The following SVEP1 variants were observed in gnomAD, a reference collection of about 807,000 sequenced individuals.
The protein encoded by SVEP1 is sushi, von Willebrand factor type A, EGF and pentraxin domain-containing protein 1.
Under a neutral mutation model 367.3 loss-of-function variants are expected in SVEP1, and 164 were observed. The observed-to-expected ratio is 0.45, with a 90% CI of 0.39 to 0.51. SVEP1 has a LOEUF of 0.51. Ranked by LOEUF, SVEP1 falls within the 20% of genes least tolerant of loss-of-function variation. The pLI is 0.00. For missense variants in SVEP1, 4,117 were observed against 4,425.3 expected, an observed-to-expected ratio of 0.93 and a Z score of 1.98; for synonymous variants, 1,666 against 1,611.6, an observed-to-expected ratio of 1.03 and a Z score of -0.81.
chr9:110,532,282 G>A (rs1931314), intron 3 of SVEP1, among the ~76,000 whole-genome samples: 103,201 of 151,988 alleles, frequency 0.68, 35,991 homozygotes, highest in Admixed American at 0.77. Flanking sequence ...ATACCATATG[G>A]TAAGTGTGAA....
In SVEP1 at chr9:110,554,453, A is replaced by G. The variant is rs532668690; in HGVS notation, c.532-4349T>C. Among the ~76,000 whole-genome samples the G allele has an allele frequency of 3.3e-5, 5 of 152,228 alleles. No individual in the cohort carries two copies. In the South Asian group the frequency reaches 1.0e-3, roughly 32 times the overall value. ...CCCCCTACTGTGGTCTCCAAATACT[A>G]TTACCCACTAAAAGGAACCAGGAAT... On this transcript the variant is annotated intron_variant, in intron 1 of 47. Transcript: ENST00000374469.
At chr9:110,443,490 A>G in intron 27 of SVEP1, 55 bp downstream of exon 27, 1 of 1,371,010 alleles carries the variant, frequency 7.3e-7, no homozygotes, top group African/African-American at 1.5e-5. Context: ...ATGTCCATTT[A>G]AGCAGCATCA....
At chr9:110,447,825 G>A (rs1224533854) in intron 24 of SVEP1, among the ~76,000 whole-genome samples, 1 of 152,162 alleles carries the variant, frequency 6.6e-6, no homozygotes, top group Non-Finnish European at 1.5e-5. Context: ...AAATGTCTAT[G>A]GAGAGGAGAA....
chr9:110,492,595 T>G (rs1234377624), intron 8 of SVEP1, among the ~76,000 whole-genome samples: 1 of 151,804 alleles, frequency 6.6e-6, no homozygotes. Flanking sequence ...GACACAGCAG[T>G]GGCTGGATAT....
chr9:110,508,385 T>A (rs1050523748), intron 5 of SVEP1, among the ~76,000 whole-genome samples: 1 of 152,184 alleles, frequency 6.6e-6, no homozygotes, highest in Admixed American at 6.5e-5. Context: ...AATGTAAGGT[T>A]CTCATTGGTT....
chr9:110,490,383 C>T (rs750807647), intron 8 of SVEP1, among the ~76,000 whole-genome samples: 137 of 152,070 alleles, frequency 9.0e-4, no homozygotes, highest in Non-Finnish European at 1.3e-3. Flanking sequence ...GATCGATTAT[C>T]GTAAACTATG....
intron 1 of SVEP1, among the ~76,000 whole-genome samples, chr9:110,552,805 C>T (rs1036672304): frequency 2.6e-5 from 4 of 152,072 alleles, no homozygotes; most frequent in Admixed American, 2.6e-4. Context: ...GTACTGGGGC[C>T]CCCTGCAGTA....
Position 110,528,806 on chromosome 9 carries a change from AAATC to A in SVEP1, c.965-14704_965-14701del, listed in dbSNP as rs35486852. On this transcript the variant is annotated intron_variant, in intron 3 of 47. Coordinates refer to ENST00000374469, the MANE Select transcript of SVEP1 (RefSeq NM_153366.4). ...TATTATGGCTATGCAGAAGCTTTAA[AAATC>A]AATTTATTAAAATAAATATATTTTA... 6.2e-3 allele frequency among the ~76,000 whole-genome samples: 943 copies of A among 151,774 alleles called. 2 individuals are homozygous for A. The highest frequency in any genetic ancestry group is 0.019 in the African/African-American group (804 of 41,532).
rs754818581 is a variant in SVEP1 at position 110,513,969 on chromosome 9, C to G, written c.1102G>C (p.Ala368Pro). ...EDCVCREGYR[A>P]SGQTCELVHC... ...TCACGTTCACAGGTCTGGCCAGATG[C>G]CCTGTATCCCTCTCTGCAGACACAG... The change falls in exon 4 of 48, where the codon GCA becomes CCA. Residue 368 changes from alanine to proline, a missense_variant. By Grantham distance (27) the Ala-to-Pro change is conservative (BLOSUM62 -1). This residue lies in a region of SVEP1 where 2,174 missense variants were observed against 2,494.3 expected (regional missense o/e 0.87). Transcript: ENST00000374469. The G allele has an allele frequency of 6.2e-7, 1 of 1,613,094 alleles. No homozygotes were observed. Among genetic ancestry groups the G allele is most frequent in the East Asian group, 2.2e-5 (1 of 44,860 alleles).
In SVEP1 at chr9:110,411,443, A is replaced by G. The variant is rs1468532234; in HGVS notation, c.6268T>C (p.Ser2090Pro). The change falls in exon 37 of 48, where the codon TCC becomes CCC. Residue 2090 changes from serine to proline, a missense_variant. Ser to Pro is a moderately conservative substitution (Grantham distance 74). This residue lies in a region of SVEP1 where 2,174 missense variants were observed against 2,494.3 expected (regional missense o/e 0.87). Coordinates refer to ENST00000374469, the MANE Select transcript of SVEP1 (RefSeq NM_153366.4). ...AHFCEKPPSV[S>P]YSILESVSKA... ...CTCACAGATTCCAAGATGCTATAGG[A>G]AACCGATGGAGGTTTTTCACAGAAA... 1 of 1,614,034 alleles carries G rather than the reference A, an allele frequency of 6.2e-7. No homozygotes were observed. Among genetic ancestry groups the G allele is most frequent in the Admixed American group, 1.7e-5 (1 of 60,010 alleles).
At chr9:110,430,705 T>C (rs1321337853) in intron 32 of SVEP1, among the ~76,000 whole-genome samples, 1 of 152,188 alleles carries the variant, frequency 6.6e-6, no homozygotes, top group Non-Finnish European at 1.5e-5. Flanking sequence ...GCTGCAAAGG[T>C]AGGCGCTCAT....
Position 110,432,184 on chromosome 9 carries a change from T to A in SVEP1, c.5234-150A>T. 5 of 1,028,420 alleles carry A rather than the reference T, an allele frequency of 4.9e-6. No individual in the cohort carries two copies. The South Asian group carries it at 5.6e-5, about 11-fold the overall frequency. The allele number at this position is 1,028,420 out of a possible 1,614,324, so 63.7% of individuals were successfully genotyped here. ...TTTAAATATAACAGTCATAATCACA[T>A]TGCAGATATACAATAAAAGCTATTA... On this transcript the variant is annotated intron_variant, in intron 31 of 47. Transcript: ENST00000374469.
At position 110,366,532 on chromosome 9, in the gene SVEP1, G is replaced by T; in HGVS notation, c.*7C>A. ...GCTTTTGGGAGAGCCAGATGGTCGT[G>T]CAGTGGTTAAAACCCAGTCCTCCTT... On this transcript the variant is annotated 3_prime_UTR_variant, in exon 48 of 48. Coordinates refer to ENST00000374469, the MANE Select transcript of SVEP1 (RefSeq NM_153366.4). 1 of 1,557,164 alleles carries T rather than the reference G, an allele frequency of 6.4e-7. No homozygotes were observed. The highest frequency in any genetic ancestry group is 8.7e-7 in the Non-Finnish European group (1 of 1,153,700).
rs924233177 is a variant in SVEP1, at chr9:110,404,427, T to C, written c.9566A>G (p.His3189Arg). ...GAAATCGTCCCCATGTACAAGTATA[T>C]GTGTTATGTTTTCCGGGAGAGGACA... is the stretch of plus-strand genomic sequence containing the variant. ...KKCPLPENIT[H>R]ILVHGDDFSV... Residue 3189 changes from histidine (H) to arginine (R), a missense_variant, in exon 39 of 48, where the codon CAT (histidine) becomes CGT (arginine). Physicochemically the swap from His to Arg is conservative, Grantham distance 29. Around this residue, in one of 4 missense-constraint regions of SVEP1, gnomAD observed 1,765 missense variants for 1,781.1 expected, o/e 0.99. Transcript: ENST00000374469. The C allele has an allele frequency of 4.3e-6, 7 of 1,613,968 alleles. No individual in the cohort carries two copies. Among genetic ancestry groups the C allele is most frequent in the Non-Finnish European group, 5.1e-6 (6 of 1,179,884 alleles).
intron 1 of SVEP1, among the ~76,000 whole-genome samples, chr9:110,570,093 C>T (rs1274281909): frequency 6.6e-6 from 1 of 152,226 alleles, no homozygotes; most frequent in East Asian, 1.9e-4. Flanking sequence ...CCACGGCTGA[C>T]CTCCAAACCA....
At chr9:110,423,168 T>TAAAAAAAAAAAAAAAAAAAAAAAAAAG in intron 36 of SVEP1, among the ~76,000 whole-genome samples, 5 of 103,650 alleles carry the variant, frequency 4.8e-5, no homozygotes, top group East Asian at 2.5e-4. Flanking sequence ...AAAAATAAAG[T>TAAAAAAAAAAAAAAAAAAAAAAAAAAG]AAAAAAAAAA....
At chr9:110,440,032 C>T (rs940508762) in intron 27 of SVEP1, among the ~76,000 whole-genome samples, 7 of 152,068 alleles carry the variant, frequency 4.6e-5, no homozygotes, top group African/African-American at 1.4e-4. Flanking sequence ...CACCTGTAAT[C>T]GCACCACTTA....
Position 110,407,398 on chromosome 9 carries a change from G to A in SVEP1, c.8202C>T (p.Ser2734=), listed in dbSNP as rs779741128. 1.2e-6 allele frequency: 2 copies of A among 1,613,868 alleles called. No individual in the cohort carries two copies. Among genetic ancestry groups the A allele is most frequent in the Non-Finnish European group, 1.7e-6 (2 of 1,179,900 alleles). The change falls in exon 38 of 48, where the codon AGC becomes AGT. Residue 2734 remains serine (S), a synonymous_variant. Transcript: ENST00000374469. ...AGCTATACTGCACAGCACTTCCCATGCTAGTCTCTGTAAAACGCAAAAAGC... is the reference window on the plus strand; with the variant it reads ...AGCTATACTGCACAGCACTTCCCATACTAGTCTCTGTAAAACGCAAAAAGC... ...ENGFLRFTET[S]MGSAVQYSCK...
In SVEP1 at chr9:110,411,747, G is replaced by A; in HGVS notation, c.5976-12C>T. On this transcript the variant is annotated splice_polypyrimidine_tract_variant and intron_variant, in intron 36 of 47. Transcript: ENST00000374469. Reference sequence around the variant, plus strand: ...CAGCAAGAGTATAGCTGTGAGGTTGGGAAGAAAGAAAGAATAACTAAGCAT... The same window carrying A: ...CAGCAAGAGTATAGCTGTGAGGTTGAGAAGAAAGAAAGAATAACTAAGCAT... 4.7e-6 allele frequency: 7 copies of A among 1,494,144 alleles called. No individual in the cohort carries two copies. Among genetic ancestry groups the A allele is most frequent in the Non-Finnish European group, 6.3e-6 (7 of 1,119,210 alleles). The allele number at this position is 1,494,144 out of a possible 1,614,324, so 92.6% of individuals were successfully genotyped here.
Sources: gnomAD v4.1 joint callset for allele counts (sites outside exome capture counted in the v4.1 genomes callset) on GRCh38, gnomAD v4.1.1 for gene constraint, gnomAD v4.1.1 regional missense constraint, MANE v1.5 for transcripts, NCBI Gene and HGNC (gene_info 2026-07-23, HGNC 2026-07-21) for gene names.